The following BACE2 variants were observed in gnomAD, a reference collection of about 807,000 sequenced individuals.
BACE2 encodes beta-secretase 2, also known as 56 kDa aspartic-like protease.
Under a neutral mutation model 46.2 loss-of-function variants are expected in BACE2, and 17 were observed. The ratio of observed to expected loss-of-function variants is 0.37; its 90% confidence interval spans 0.25 to 0.55. BACE2 has a LOEUF of 0.55. BACE2 is among the 20% of genes least tolerant of loss of function. The pLI, the probability that BACE2 is intolerant of heterozygous loss-of-function variation, is 0.82. For synonymous variants in BACE2, 277 were observed against 295.9 expected (o/e 0.94, Z 0.66); for missense variants, 595 against 698.1 (o/e 0.85, Z 1.66).
At chr21:41,230,830 A>T (rs542031677) in intron 2 of BACE2, among the ~76,000 whole-genome samples, 1 of 152,340 alleles carries the variant, frequency 6.6e-6, no homozygotes, top group African/African-American at 2.4e-5. Context: ...AGAGCAAAAA[A>T]AGAAAAAAAG....
intron 1 of BACE2, among the ~76,000 whole-genome samples, chr21:41,173,368 G>A (rs1984674040): frequency 6.6e-6 from 1 of 152,226 alleles, no homozygotes; most frequent in South Asian, 2.1e-4. Context: ...CTTAGGGTGG[G>A]AGAAGGAAGA....
chr21:41,272,838 C>T (rs2088447281), intron 8 of BACE2, among the ~76,000 whole-genome samples: 1 of 152,134 alleles, frequency 6.6e-6, no homozygotes, highest in Non-Finnish European at 1.5e-5. Flanking sequence ...ATAATTAGTG[C>T]TGTAGAATCA....
Position 41,279,304 on chromosome 21 carries a change from A to G in BACE2, c.*3680A>G, listed in dbSNP as rs1024965633. ...TAAGCAGTACATATTTTTTTAGAAAATGCAGTTTAGGCCAGGCACGGTAGC... is the reference window on the plus strand; with the variant it reads ...TAAGCAGTACATATTTTTTTAGAAAGTGCAGTTTAGGCCAGGCACGGTAGC... On this transcript the variant is annotated 3_prime_UTR_variant, in exon 9 of 9. Transcript: ENST00000330333. 1 of 152,174 alleles carries G rather than the reference A, an allele frequency of 6.6e-6. No homozygotes were observed. Among genetic ancestry groups the G allele is most frequent in the African/African-American group, 2.4e-5 (1 of 41,450 alleles). The allele number at this position is 152,174 out of a possible 1,614,324, so 9.4% of individuals were successfully genotyped here.
chr21:41,279,655 A>C lies in BACE2; in HGVS notation c.*4031A>C, dbSNP rs1409431557. Reference sequence around the variant, plus strand: ...CATCCTTAGATTTCTTTTCCCCTTAAAGTGGCTGAATCCATTGGAGATGTG... The same window carrying C: ...CATCCTTAGATTTCTTTTCCCCTTACAGTGGCTGAATCCATTGGAGATGTG... On this transcript the variant is annotated 3_prime_UTR_variant, in exon 9 of 9. Coordinates refer to ENST00000330333, the MANE Select transcript of BACE2 (RefSeq NM_012105.5). 2 of 152,168 alleles carry C rather than the reference A, an allele frequency of 1.3e-5. No individual in the cohort carries two copies. Among genetic ancestry groups the C allele is most frequent in the South Asian group, 2.1e-4 (1 of 4,828 alleles). 9.4% of individuals were successfully genotyped at this position (152,168 alleles called of 1,614,324 possible).
intron 8 of BACE2, among the ~76,000 whole-genome samples, chr21:41,265,799 G>C (rs1316125044): frequency 6.6e-6 from 1 of 152,090 alleles, no homozygotes; most frequent in Admixed American, 6.5e-5. Context: ...TGTTTACTTT[G>C]TATATTTAAA....
chr21:41,270,475 A>G (rs535913005), intron 8 of BACE2, among the ~76,000 whole-genome samples: 1 of 152,292 alleles, frequency 6.6e-6, no homozygotes, highest in South Asian at 2.1e-4. Context: ...AGAGTACAGT[A>G]GCGTGAGCAT....
chr21:41,204,110 G>A lies in BACE2; in HGVS notation c.313-22156G>A, dbSNP rs772094469. Among the ~76,000 whole-genome samples, 14 of 152,294 alleles carry A rather than the reference G, an allele frequency of 9.2e-5. 3 individuals carry two copies. Among genetic ancestry groups the A allele is most frequent in the East Asian group, 1.9e-4 (1 of 5,176 alleles). On this transcript the variant is annotated intron_variant, in intron 1 of 8. Coordinates refer to ENST00000330333, the MANE Select transcript of BACE2 (RefSeq NM_012105.5). ...TGGCTCACTGTAGCCTCCGCCTCCC[G>A]GGTTCAAGCAATTCTCCTGCTTCAG...
In BACE2 at chr21:41,192,144, T is replaced by C. The variant is rs138323899; in HGVS notation, c.312+23569T>C. Among the ~76,000 whole-genome samples, 901 of 152,324 alleles carry C rather than the reference T, an allele frequency of 5.9e-3. 8 individuals carry two copies. The highest frequency in any genetic ancestry group is 9.8e-3 in the Non-Finnish European group (666 of 68,036). On this transcript the variant is annotated intron_variant, in intron 1 of 8. Coordinates refer to ENST00000330333, the MANE Select transcript of BACE2 (RefSeq NM_012105.5). ...CTTCATGGATGCCCTAGAAAGGGGC[T>C]GTAGTGCTGCAGCTGTCCACTTTCG... is the stretch of plus-strand genomic sequence containing the variant.
Position 41,263,930 on chromosome 21 carries a change from T to C in BACE2, c.1303+6604T>C, listed in dbSNP as rs966457380. ...TTCCTAGCTGTTAACTCTTCCACTA[T>C]TGCCTCATGCACATTCTTTCTAGTC... On this transcript the variant is annotated intron_variant, in intron 8 of 8. Transcript: ENST00000330333. Among the ~76,000 whole-genome samples, 7 of 152,320 alleles carry C rather than the reference T, an allele frequency of 4.6e-5. No homozygotes were observed. The South Asian group carries it at 1.5e-3, about 32-fold the overall frequency.
At chr21:41,179,614 C>T (rs758342239) in intron 1 of BACE2, 91 of 1,360,544 alleles carry the variant, frequency 6.7e-5, no homozygotes, top group Middle Eastern at 2.1e-4. Context: ...GCTTCAGGCG[C>T]AGCAACTCTT....
rs772372828 is a variant in BACE2, at chr21:41,168,564, C to A, written c.301C>A (p.Pro101Thr). ...CTACCTGGAGATGCTGATCGGGACC[C>A]CCCCGCAGAAGGTAGGGACCCCCGG... ...GYYLEMLIGT[P>T]PQKLQILVDT... The change falls in exon 1 of 9, where the codon CCC (proline) becomes ACC (threonine). Residue 101 changes from proline (P) to threonine (T), a missense_variant. Transcript: ENST00000330333. 9 of 1,326,632 alleles carry A rather than the reference C, an allele frequency of 6.8e-6. No homozygotes were observed. The highest frequency in any genetic ancestry group is 8.7e-6 in the Non-Finnish European group (9 of 1,030,630). 82.2% of individuals were successfully genotyped at this position (1,326,632 alleles called of 1,614,324 possible).
intron 1 of BACE2, among the ~76,000 whole-genome samples, chr21:41,187,782 G>A (rs930447600): frequency 6.6e-6 from 1 of 152,164 alleles, no homozygotes; most frequent in African/African-American, 2.4e-5. Context: ...TGCTCTGAAC[G>A]TTAAGAGCTT....
At chr21:41,245,935 A>T in intron 5 of BACE2, 27 bp from the exon 6 acceptor site, 1 of 1,571,002 alleles carries the variant, frequency 6.4e-7, no homozygotes, top group Non-Finnish European at 8.7e-7. Flanking sequence ...TCACTCACGC[A>T]CCTTTCCCTT....
chr21:41,265,454 A>G (rs1312056133), intron 8 of BACE2, among the ~76,000 whole-genome samples: 1 of 152,118 alleles, frequency 6.6e-6, no homozygotes, highest in Non-Finnish European at 1.5e-5. Flanking sequence ...TGGCCATACC[A>G]TCTCTTGTAA....
intron 5 of BACE2, 144 bp from the exon 6 acceptor site, chr21:41,245,818 A>T (rs988663218): frequency 3.6e-6 from 2 of 551,562 alleles, no homozygotes; most frequent in Admixed American, 3.4e-5. Context: ...TTCTGAGAAC[A>T]TGAATGAACT....
chr21:41,178,723 C>T lies in BACE2; in HGVS notation c.312+10148C>T, dbSNP rs144794046. 1,006 of 179,138 alleles carry T rather than the reference C, an allele frequency of 5.6e-3. 13 individuals are homozygous for T. Among genetic ancestry groups the T allele is most frequent in the African/African-American group, 0.023 (955 of 42,032 alleles). The allele number at this position is 179,138 out of a possible 1,614,324, so 11.1% of individuals were successfully genotyped here. ...CTGCACTCCAGCATGTGCAACAGAG[C>T]AAGACCTTGCCTCAAAACATATTAA... On this transcript the variant is annotated intron_variant, in intron 1 of 8. Coordinates refer to ENST00000330333, the MANE Select transcript of BACE2 (RefSeq NM_012105.5).
At chr21:41,203,880 G>A (rs972726268) in intron 1 of BACE2, among the ~76,000 whole-genome samples, 10 of 152,224 alleles carry the variant, frequency 6.6e-5, no homozygotes, top group Non-Finnish European at 1.3e-4. Flanking sequence ...CAGGTCAGCC[G>A]TGGCTGGAGA....
chr21:41,185,182 T>A (rs565012669), intron 1 of BACE2: 1 of 166,778 alleles, frequency 6.0e-6, no homozygotes. Flanking sequence ...AATTCCCGTG[T>A]TCTTTAAAGG....
At chr21:41,191,926 C>G (rs1985584306) in intron 1 of BACE2, among the ~76,000 whole-genome samples, 1 of 152,186 alleles carries the variant, frequency 6.6e-6, no homozygotes, top group South Asian at 2.1e-4. Context: ...ATCCCTCTTC[C>G]CCAAATTTCT....
Sources: allele counts gnomAD v4.1 joint callset (sites outside exome capture counted in the v4.1 genomes callset), GRCh38; gene constraint gnomAD v4.1.1; transcripts MANE v1.5; gene names NCBI Gene and HGNC (gene_info 2026-07-23, HGNC 2026-07-21).